GALNT16: variants seen among roughly 807,000 people sequenced by gnomAD.
The protein encoded by GALNT16 is polypeptide N-acetylgalactosaminyltransferase 16, also known as UDP-GalNAc:polypeptide N-acetylgalactosaminyltransferase-like protein 1.
GALNT16 carries 40 observed loss-of-function variants against 76.1 expected under a neutral mutation model. The observed-to-expected ratio is 0.53, with a 90% CI of 0.41 to 0.68. The LOEUF (loss-of-function observed/expected upper bound fraction) is 0.68. GALNT16 is among the 30% of genes least tolerant of loss of function. The pLI is 0.00. For missense variants in GALNT16, 621 were observed against 731.9 expected (o/e 0.85, Z 1.75); for synonymous variants, 276 against 285.2 (o/e 0.97, Z 0.32).
intron 1 of GALNT16, among the ~76,000 whole-genome samples, chr14:69,314,874 T>C (rs1370232890): frequency 4.6e-5 from 7 of 152,242 alleles, no homozygotes; most frequent in African/African-American, 1.7e-4. Flanking sequence ...AGAGCCTTTT[T>C]ACTTGCAGTT....
At chr14:69,296,365 G>A (rs1207954097) in intron 1 of GALNT16, among the ~76,000 whole-genome samples, 3 of 152,146 alleles carry the variant, frequency 2.0e-5, no homozygotes, top group Non-Finnish European at 4.4e-5. Flanking sequence ...TGGGAACGCA[G>A]AGCCAAACCA....
At chr14:69,339,259 A>T (rs749382939) in intron 10 of GALNT16, among the ~76,000 whole-genome samples, 3 of 152,104 alleles carry the variant, frequency 2.0e-5, no homozygotes, top group Non-Finnish European at 4.4e-5. Flanking sequence ...ACCCTCGTAC[A>T]TGTGGATGGT....
At chr14:69,324,268 G>T (rs2045246016) in intron 2 of GALNT16, among the ~76,000 whole-genome samples, 1 of 152,080 alleles carries the variant, frequency 6.6e-6, no homozygotes. Flanking sequence ...TCCTGAGCTG[G>T]GAAGAGAGAA....
chr14:69,327,379 A>AAAGG (rs1275639347), intron 5 of GALNT16, among the ~76,000 whole-genome samples: 1 of 152,150 alleles, frequency 6.6e-6, no homozygotes, highest in African/African-American at 2.4e-5. Context: ...AGAAAGAAAG[A>AAAGG]AAGACCAGTC....
intron 14 of GALNT16, chr14:69,348,857 C>T (rs1418609582): frequency 6.6e-6 from 1 of 152,394 alleles, no homozygotes; most frequent in Non-Finnish European, 1.5e-5. Flanking sequence ...GGGAATGGGA[C>T]CCAAGGCCCA....
At chr14:69,309,716 G>T (rs1232684000) in intron 1 of GALNT16, among the ~76,000 whole-genome samples, 9 of 152,130 alleles carry the variant, frequency 5.9e-5, no homozygotes, top group Non-Finnish European at 1.5e-5. Context: ...GTGTATTACA[G>T]AAGTTAGTTC....
Position 69,324,690 on chromosome 14 carries a change from A to G in GALNT16, c.336-2A>G, listed in dbSNP as rs145463352. On this transcript the variant is annotated splice_acceptor_variant, in intron 2 of 14. Coordinates refer to ENST00000448469, the MANE Select transcript of GALNT16 (RefSeq NM_001168368.2). LOFTEE classifies it high-confidence loss of function. ...GCTCTGACCTCTGTGCTCCCTTCTC[A>G]GCTGCCCATCTGTGTCCTACTCCTC... 1.3e-5 allele frequency: 20 copies of G among 1,594,770 alleles called. No homozygotes were observed. Among genetic ancestry groups the G allele is most frequent in the Non-Finnish European group, 1.7e-5 (20 of 1,166,406 alleles).
chr14:69,377,760 T>A, the GALNT16 span, among the ~76,000 whole-genome samples: 13 of 124,268 alleles, frequency 1.0e-4, no homozygotes, highest in Admixed American at 2.2e-4. Flanking sequence ...TGAGGCATGA[T>A]TGCACCACTG....
At chr14:69,260,136 A>ACCCCCCAC, upstream of GALNT16, 1 of 113,994 alleles carries the variant, frequency 8.8e-6, no homozygotes, top group Non-Finnish European at 1.8e-5. Flanking sequence ...TCTCCCTATC[A>ACCCCCCAC]CCCCCCCGCC....
At chr14:69,264,819 C>CTTTTATTTTTTTTTTTTTT (rs2044321356) in intron 1 of GALNT16, among the ~76,000 whole-genome samples, 1 of 96,600 alleles carries the variant, frequency 1.0e-5, no homozygotes, top group Non-Finnish European at 1.8e-5. Flanking sequence ...CTTTTTCTTT[C>CTTTTATTTTTTTTTTTTTT]TTTTTTTTTT....
chr14:69,382,094 T>A, the GALNT16 span, among the ~76,000 whole-genome samples: 6 of 152,184 alleles, frequency 3.9e-5, no homozygotes, highest in Admixed American at 3.3e-4. Flanking sequence ...GACTCCAGAG[T>A]CCTCACTGTT....
At chr14:69,377,405 G>C in the GALNT16 span, among the ~76,000 whole-genome samples, 1 of 152,016 alleles carries the variant, frequency 6.6e-6, no homozygotes, top group Admixed American at 6.6e-5. Context: ...ATCTCAAAGG[G>C]TTGCTGTGAT....
At chr14:69,309,381 C>T (rs1185366408) in intron 1 of GALNT16, among the ~76,000 whole-genome samples, 1 of 151,640 alleles carries the variant, frequency 6.6e-6, no homozygotes, top group Non-Finnish European at 1.5e-5. Flanking sequence ...TAACTTATTG[C>T]AGCCTTGAAT....
Position 69,327,506 on chromosome 14 carries a change from G to A in GALNT16, c.569-944G>A, listed in dbSNP as rs527418761. Among the ~76,000 whole-genome samples the A allele has an allele frequency of 3.3e-5, 5 of 152,372 alleles. No homozygotes were observed. In the East Asian group the frequency reaches 9.6e-4, roughly 29 times the overall value. ...TAGGTACCGTCAGGTCTGGGAATAT[G>A]CTGTCCCTGGATTTGACAACAGTAA... On this transcript the variant is annotated intron_variant, in intron 5 of 14. Coordinates refer to ENST00000448469, the MANE Select transcript of GALNT16 (RefSeq NM_001168368.2).
At chr14:69,291,458 C>T (rs1347910381) in intron 1 of GALNT16, among the ~76,000 whole-genome samples, 5 of 152,300 alleles carry the variant, frequency 3.3e-5, no homozygotes, top group Non-Finnish European at 5.9e-5. Context: ...GCTATTCATA[C>T]AGCTGACTTG....
chr14:69,302,045 G>T (rs1250420735), intron 1 of GALNT16, among the ~76,000 whole-genome samples: 1 of 152,096 alleles, frequency 6.6e-6, no homozygotes, highest in East Asian at 1.9e-4. Flanking sequence ...TGAGGTGGGG[G>T]TGCTGCATGC....
At chr14:69,377,046 C>T in the GALNT16 span, among the ~76,000 whole-genome samples, 3 of 152,194 alleles carry the variant, frequency 2.0e-5, no homozygotes, top group Admixed American at 6.5e-5. Flanking sequence ...GTGTGAACTG[C>T]CATGAGGAAT....
chr14:69,277,697 T>TC (rs1379594940), intron 1 of GALNT16, among the ~76,000 whole-genome samples: 58 of 152,350 alleles, frequency 3.8e-4, no homozygotes, highest in African/African-American at 1.4e-3. Flanking sequence ...TGTGCATGTG[T>TC]CTTTATAGCA....
intron 1 of GALNT16, among the ~76,000 whole-genome samples, chr14:69,270,191 C>T (rs1222232585): frequency 6.6e-6 from 1 of 152,122 alleles, no homozygotes; most frequent in Non-Finnish European, 1.5e-5. Context: ...TTCCCTAAGA[C>T]ACAGAGTAGG....
Sources: allele counts gnomAD v4.1 joint callset (sites outside exome capture counted in the v4.1 genomes callset), GRCh38; gene constraint gnomAD v4.1.1; transcripts MANE v1.5; gene names NCBI Gene and HGNC (gene_info 2026-07-23, HGNC 2026-07-21).